PRKCE: variants seen among roughly 807,000 people sequenced by gnomAD.
PRKCE encodes protein kinase C epsilon type.
Under a neutral mutation model 85.4 loss-of-function variants are expected in PRKCE, and 16 were observed. The ratio of observed to expected loss-of-function variants is 0.19; its 90% confidence interval spans 0.13 to 0.28. PRKCE has a LOEUF of 0.28. PRKCE is among the 10% of genes least tolerant of loss of function. The probability of loss-of-function intolerance (pLI) is 1.00; values close to 1 mark genes in which losing one functional copy is unlikely to be tolerated. For synonymous variants in PRKCE, 388 were observed against 371.5 expected, an observed-to-expected ratio of 1.04 and a Z score of -0.51; for missense variants, 573 against 975.2, an observed-to-expected ratio of 0.59 and a Z score of 5.49.
In PRKCE at chr2:46,159,539, C is replaced by T; in HGVS notation, c.1921-67C>T. The T allele has an allele frequency of 6.8e-7, 1 of 1,481,262 alleles. No homozygotes were observed. 91.8% of individuals were successfully genotyped at this position (1,481,262 alleles called of 1,614,324 possible). On this transcript the variant is annotated intron_variant, in intron 13 of 14. Transcript: ENST00000306156. This position sits in a 1 kb window ranked among gnomAD's most constrained non-coding sequence, Gnocchi z 4.1. Reference sequence around the variant, plus strand: ...AGATGCTGCTTTGGCTGACCTCCATCTGTCCCTTATAGCCTGTGCTGGCCA... The same window carrying T: ...AGATGCTGCTTTGGCTGACCTCCATTTGTCCCTTATAGCCTGTGCTGGCCA...
At chr2:46,119,464 A>C (rs1479154842) in intron 11 of PRKCE, among the ~76,000 whole-genome samples, 2 of 152,200 alleles carry the variant, frequency 1.3e-5, no homozygotes, top group Admixed American at 6.5e-5. Flanking sequence ...TCCTGAGTAT[A>C]AAATACATAC....
In PRKCE at chr2:45,652,466, C is replaced by G. The variant is rs758244218; in HGVS notation, c.348+18C>G. ...AGGACTGGGTGAGTGCGGCGCCTCC[C>G]CGTCATTCCGGGAACCCGGTTGTGG... On this transcript the variant is annotated intron_variant, in intron 1 of 14. Coordinates refer to ENST00000306156, the MANE Select transcript of PRKCE (RefSeq NM_005400.3). This position sits in a 1 kb window ranked among gnomAD's most constrained non-coding sequence, Gnocchi z 7.7. The G allele has an allele frequency of 6.3e-7, 1 of 1,589,666 alleles. No homozygotes were observed. The highest frequency in any genetic ancestry group is 8.6e-7 in the Non-Finnish European group (1 of 1,169,052).
chr2:46,080,972 TACACACACAC>T (rs112421012), intron 10 of PRKCE, among the ~76,000 whole-genome samples: 8 of 147,692 alleles, frequency 5.4e-5, no homozygotes, highest in South Asian at 2.2e-4. Flanking sequence ...CAGTTATGCA[TACACACACAC>T]ACACACACAC....
chr2:45,894,029 G>A (rs114493572), intron 2 of PRKCE, among the ~76,000 whole-genome samples: 208 of 152,290 alleles, frequency 1.4e-3, no homozygotes, highest in African/African-American at 4.6e-3. Context: ...GAGGTAATGT[G>A]TAATGCCCCT....
At position 45,927,496 on chromosome 2, in the gene PRKCE, C is replaced by A. The variant is rs145636552; in HGVS notation, c.413-48933C>A. ...CCAGGTCTCATAGTAAAGCCACAGG[C>A]ATCCAGGTCTGCCTGAGTCCAAGGG... On this transcript the variant is annotated intron_variant, in intron 2 of 14. Coordinates refer to ENST00000306156, the MANE Select transcript of PRKCE (RefSeq NM_005400.3). 1.0e-2 allele frequency among the ~76,000 whole-genome samples: 1,523 copies of A among 152,316 alleles called. 16 individuals carry two copies. Among genetic ancestry groups the A allele is most frequent in the Non-Finnish European group, 0.015 (1,024 of 68,022 alleles).
chr2:45,910,337 G>A (rs150620328), intron 2 of PRKCE, among the ~76,000 whole-genome samples: 1 of 152,220 alleles, frequency 6.6e-6, no homozygotes, highest in Non-Finnish European at 1.5e-5. Context: ...AGGAGGAGGT[G>A]GTGAGGAATC....
intron 2 of PRKCE, among the ~76,000 whole-genome samples, chr2:45,965,028 C>G (rs979926512): frequency 3.3e-5 from 5 of 152,196 alleles, no homozygotes; most frequent in Non-Finnish European, 7.3e-5. Context: ...AAATGCCACC[C>G]GTTCTCTTCT....
rs1558792975 is a variant in PRKCE at position 45,884,978 on chromosome 2, TA to T, written c.412+41916del. Among the ~76,000 whole-genome samples, 47 of 69,214 alleles carry T rather than the reference TA, an allele frequency of 6.8e-4. 3 individuals carry two copies. In the East Asian group the frequency reaches 9.5e-3, roughly 14 times the overall value. The allele number at this position is 69,214 out of a possible 152,430, so 45.4% of individuals were successfully genotyped here. A position where few individuals can be genotyped will look rare whatever the true frequency, so the allele number is the denominator to read the frequency against. On this transcript the variant is annotated intron_variant, in intron 2 of 14. Transcript: ENST00000306156. The stretch of plus-strand genomic sequence containing the variant: ...CCATATATATATATATATATATATA[TA>T]TATATATATATATATATATATATTT...
chr2:45,961,946 C>T (rs143129275), intron 2 of PRKCE, among the ~76,000 whole-genome samples: 10 of 152,240 alleles, frequency 6.6e-5, no homozygotes, highest in Non-Finnish European at 1.0e-4. Context: ...CCACCTGCCT[C>T]GGCCTGGCAA....
At chr2:45,683,654 G>C (rs1333731655) in intron 1 of PRKCE, among the ~76,000 whole-genome samples, 1 of 152,212 alleles carries the variant, frequency 6.6e-6, no homozygotes, top group East Asian at 1.9e-4. Flanking sequence ...TGCGGGAGCA[G>C]TATTTATGGC....
At chr2:45,810,287 C>T (rs1300464992) in intron 1 of PRKCE, among the ~76,000 whole-genome samples, 1 of 151,940 alleles carries the variant, frequency 6.6e-6, no homozygotes, top group African/African-American at 2.4e-5. Flanking sequence ...GTGATCCACC[C>T]GCCTCGGCCT....
chr2:45,964,172 C>T (rs1447698630), intron 2 of PRKCE, among the ~76,000 whole-genome samples: 1 of 152,204 alleles, frequency 6.6e-6, no homozygotes, highest in Non-Finnish European at 1.5e-5. Flanking sequence ...ATGTCCCACT[C>T]TACTCGGCAC....
Position 46,087,158 on chromosome 2 carries a change from CT to C in PRKCE, c.1592+809del, listed in dbSNP as rs66723838. ...TTATTTTATTTTATTCTATTCTATT[CT>C]TTTTTTTTTTTTAATTGGGTAGAGG... On this transcript the variant is annotated intron_variant, in intron 11 of 14. Coordinates refer to ENST00000306156, the MANE Select transcript of PRKCE (RefSeq NM_005400.3). Among the ~76,000 whole-genome samples, 818 of 147,744 alleles carry C rather than the reference CT, an allele frequency of 5.5e-3. 9 individuals carry two copies. Among genetic ancestry groups the C allele is most frequent in the African/African-American group, 0.016 (656 of 40,038 alleles).
intron 1 of PRKCE, among the ~76,000 whole-genome samples, chr2:45,792,582 C>G (rs375536808): frequency 3.3e-5 from 5 of 152,250 alleles, no homozygotes; most frequent in African/African-American, 9.6e-5. Flanking sequence ...CTTCTGCTGC[C>G]TGGTGCTCAA....
intron 1 of PRKCE, chr2:45,686,176 G>T (rs1463682607): frequency 6.6e-6 from 1 of 152,138 alleles, no homozygotes; most frequent in Non-Finnish European, 1.5e-5. Context: ...TGTAGATGGA[G>T]AGGCCTAGAG....
intron 1 of PRKCE, among the ~76,000 whole-genome samples, chr2:45,705,128 A>C (rs905305222): frequency 6.6e-6 from 1 of 152,204 alleles, no homozygotes; most frequent in African/African-American, 2.4e-5. Flanking sequence ...ATTCACTTTC[A>C]ATTCCTTATT....
intron 11 of PRKCE, among the ~76,000 whole-genome samples, chr2:46,095,957 A>G (rs1670642979): frequency 2.6e-5 from 4 of 152,234 alleles, no homozygotes. Flanking sequence ...AACCTTATAC[A>G]GTAGAAGCTC....
Position 46,004,370 on chromosome 2 carries a change from C to T in PRKCE, c.967-172C>T. ...CTCTGGTCAGACGTCACAGAGGGAT[C>T]GAACTTCATTTTGGCTACTTTGGCG... On this transcript the variant is annotated intron_variant, in intron 7 of 14. Coordinates refer to ENST00000306156, the MANE Select transcript of PRKCE (RefSeq NM_005400.3). The surrounding 1 kb of genome is among the most constrained non-coding windows in gnomAD (Gnocchi z 4.1). The T allele has an allele frequency of 3.4e-6, 2 of 587,158 alleles. No homozygotes were observed. Among genetic ancestry groups the T allele is most frequent in the Non-Finnish European group, 6.1e-6 (2 of 325,332 alleles). 36.4% of individuals were successfully genotyped at this position (587,158 alleles called of 1,614,324 possible).
In PRKCE at chr2:45,652,003, C is replaced by T; in HGVS notation, c.-98C>T. 2.1e-6 allele frequency: 2 copies of T among 967,682 alleles called. No homozygotes were observed. The highest frequency in any genetic ancestry group is 3.1e-6 in the Non-Finnish European group (2 of 639,316). 59.9% of individuals were successfully genotyped at this position (967,682 alleles called of 1,614,324 possible). A position where few individuals can be genotyped will look rare whatever the true frequency, so the allele number is the denominator to read the frequency against. On this transcript the variant is annotated 5_prime_UTR_variant, in exon 1 of 15. Coordinates refer to ENST00000306156, the MANE Select transcript of PRKCE (RefSeq NM_005400.3). This position sits in a 1 kb window ranked among gnomAD's most constrained non-coding sequence, Gnocchi z 7.7. ...TGTGCGGGGTGGGGCGAAAGGGGAC[C>T]CAAGAGTCCCTGTGGCTCGGAGTGC...
Sources: gnomAD v4.1 joint callset for allele counts (sites outside exome capture counted in the v4.1 genomes callset) on GRCh38, gnomAD v4.1.1 for gene constraint, Gnocchi (gnomAD v3.1) non-coding constraint, MANE v1.5 for transcripts, NCBI Gene and HGNC (gene_info 2026-07-23, HGNC 2026-07-21) for gene names.